SLC9A9: variants seen among roughly 807,000 people sequenced by gnomAD.
SLC9A9 encodes solute carrier family 9 member A9.
In SLC9A9, 62 loss-of-function variants were observed where a neutral mutation model predicts 77.8. That is an observed-to-expected ratio of 0.80 (90% CI 0.65 to 0.98). The LOEUF (loss-of-function observed/expected upper bound fraction) is 0.98. SLC9A9 is among the 50% of genes least tolerant of loss of function. The pLI, the probability that SLC9A9 is intolerant of heterozygous loss-of-function variation, is 0.00. For synonymous variants in SLC9A9, 320 were observed against 283.5 expected (o/e 1.13, Z -1.29); for missense variants, 775 against 774.9 (o/e 1.00, Z 0.00).
At chr3:143,747,841 A>G (rs1344959663) in intron 4 of SLC9A9, among the ~76,000 whole-genome samples, 2 of 152,216 alleles carry the variant, frequency 1.3e-5, no homozygotes, top group South Asian at 2.1e-4. Context: ...TAAGAAATGA[A>G]TACAATCATG....
intron 6 of SLC9A9, among the ~76,000 whole-genome samples, chr3:143,621,147 C>T (rs1576615732): frequency 6.6e-6 from 1 of 152,318 alleles, no homozygotes; most frequent in East Asian, 1.9e-4. Flanking sequence ...CCCACCACAG[C>T]TCAAGGATGC....
Position 143,518,294 on chromosome 3 carries a change from G to A in SLC9A9, c.1090-22846C>T, listed in dbSNP as rs778167598. On this transcript the variant is annotated intron_variant, in intron 9 of 15. Coordinates refer to ENST00000316549, the MANE Select transcript of SLC9A9 (RefSeq NM_173653.4). ...GGTTCCAGGCCCAGGCGCTGGCTCA[G>A]CGTGACCACGCAGAAAGGGCTGTTT... 597 of 1,069,172 alleles carry A rather than the reference G, an allele frequency of 5.6e-4. 1 individual carries two copies. Among genetic ancestry groups the A allele is most frequent in the Admixed American group, 8.6e-4 (47 of 54,968 alleles). 66.2% of individuals were successfully genotyped at this position (1,069,172 alleles called of 1,614,324 possible). A position where few individuals can be genotyped will look rare whatever the true frequency, so the allele number is the denominator to read the frequency against.
At chr3:143,489,536 G>A (rs2035705310) in intron 11 of SLC9A9, among the ~76,000 whole-genome samples, 1 of 151,510 alleles carries the variant, frequency 6.6e-6, no homozygotes, top group Non-Finnish European at 1.5e-5. Flanking sequence ...TAACTCAAAT[G>A]GATAAAAAAA....
At chr3:143,465,484 A>G (rs567900628) in intron 12 of SLC9A9, among the ~76,000 whole-genome samples, 3 of 152,242 alleles carry the variant, frequency 2.0e-5, no homozygotes, top group Non-Finnish European at 2.9e-5. Flanking sequence ...TTGGGGTAGA[A>G]AAAGAAATAG....
At chr3:143,441,598 A>T (rs1035695165) in intron 12 of SLC9A9, among the ~76,000 whole-genome samples, 19 of 148,614 alleles carry the variant, frequency 1.3e-4, no homozygotes, top group Non-Finnish European at 6.0e-5. Flanking sequence ...ATTTCACATC[A>T]GCCAGTATCT....
intron 9 of SLC9A9, among the ~76,000 whole-genome samples, chr3:143,499,862 T>C (rs1210096188): frequency 6.6e-6 from 1 of 152,052 alleles, no homozygotes; most frequent in Non-Finnish European, 1.5e-5. Context: ...ACTTTTAAAA[T>C]GTTGTTAATT....
chr3:143,316,117 G>T (rs921961795), intron 14 of SLC9A9, among the ~76,000 whole-genome samples: 55 of 152,334 alleles, frequency 3.6e-4, no homozygotes, highest in African/African-American at 1.2e-3. Context: ...AGGGCTTGGA[G>T]GTTAAGATGT....
intron 11 of SLC9A9, among the ~76,000 whole-genome samples, chr3:143,477,373 G>A (rs1475012574): frequency 9.0e-4 from 11 of 12,194 alleles, no homozygotes; most frequent in Middle Eastern, 0.071. Context: ...GCCCCCTCCC[G>A]CCACCCAGAT....
At chr3:143,753,281 A>G (rs188396761) in intron 4 of SLC9A9, among the ~76,000 whole-genome samples, 1 of 152,144 alleles carries the variant, frequency 6.6e-6, no homozygotes, top group Non-Finnish European at 1.5e-5. Flanking sequence ...AAAAGTGTCG[A>G]TGTATCACTT....
intron 12 of SLC9A9, among the ~76,000 whole-genome samples, chr3:143,426,430 T>C (rs756367215): frequency 5.3e-5 from 8 of 152,190 alleles, no homozygotes; most frequent in Non-Finnish European, 1.0e-4. Flanking sequence ...CTAAGAAACA[T>C]CTTGTGGAAA....
chr3:143,693,219 C>A lies in SLC9A9; in HGVS notation c.622G>T (p.Gly208Cys), dbSNP rs1242808400. ...DFHFTDCLFF[G>C]SLMSATDPVT... The stretch of plus-strand genomic sequence containing the variant: ...GGATCTGTAGCAGACATCAGTGAAC[C>A]AAAAAATAAACAGTCAGTGAAATGA... The change falls in exon 5 of 16, where the codon GGT becomes TGT. Residue 208 changes from glycine (G) to cysteine (C), a missense_variant. Coordinates refer to ENST00000316549, the MANE Select transcript of SLC9A9 (RefSeq NM_173653.4). The A allele has an allele frequency of 1.2e-6, 2 of 1,612,832 alleles. No individual in the cohort carries two copies. Among genetic ancestry groups the A allele is most frequent in the African/African-American group, 2.7e-5 (2 of 74,808 alleles).
At chr3:143,521,007 T>C (rs2036290377) in intron 9 of SLC9A9, among the ~76,000 whole-genome samples, 1 of 152,180 alleles carries the variant, frequency 6.6e-6, no homozygotes, top group Admixed American at 6.5e-5. Flanking sequence ...AAATGGCAAA[T>C]TTTTCTCCTG....
At chr3:143,353,954 T>C (rs2032526787) in intron 14 of SLC9A9, among the ~76,000 whole-genome samples, 1 of 152,160 alleles carries the variant, frequency 6.6e-6, no homozygotes, top group Non-Finnish European at 1.5e-5. Context: ...CCTTTAGCCA[T>C]CCAAGTAACC....
At chr3:143,666,453 C>T (rs905511214) in intron 5 of SLC9A9, among the ~76,000 whole-genome samples, 1 of 152,194 alleles carries the variant, frequency 6.6e-6, no homozygotes, top group African/African-American at 2.4e-5. Flanking sequence ...CTCACCACTC[C>T]TATTCAACAT....
intron 2 of SLC9A9, among the ~76,000 whole-genome samples, chr3:143,824,432 T>C (rs2009248821): frequency 1.3e-5 from 2 of 152,224 alleles, no homozygotes; most frequent in South Asian, 4.1e-4. Context: ...TCATTAGGAC[T>C]CAGCTCCGAT....
At chr3:143,552,065 G>C (rs2036897925) in intron 9 of SLC9A9, among the ~76,000 whole-genome samples, 1 of 152,094 alleles carries the variant, frequency 6.6e-6, no homozygotes, top group Non-Finnish European at 1.5e-5. Context: ...AATGCTTTTA[G>C]ATGTAAGTGA....
At chr3:143,508,549 C>T (rs2036066416) in intron 9 of SLC9A9, among the ~76,000 whole-genome samples, 1 of 152,154 alleles carries the variant, frequency 6.6e-6, no homozygotes, top group South Asian at 2.1e-4. Flanking sequence ...ATGTTATTCT[C>T]AATAAACATT....
At position 143,386,636 on chromosome 3, in the gene SLC9A9, G is replaced by A. The variant is rs549682632; in HGVS notation, c.1470-4522C>T. ...TTATTATTTTTCAGTACTTATCAGTGGGGCCAGAGCTCAGTTACTGATTAC... is the reference window on the plus strand; with the variant it reads ...TTATTATTTTTCAGTACTTATCAGTAGGGCCAGAGCTCAGTTACTGATTAC... On this transcript the variant is annotated intron_variant, in intron 12 of 15. Transcript: ENST00000316549. Among the ~76,000 whole-genome samples, 7 of 152,268 alleles carry A rather than the reference G, an allele frequency of 4.6e-5. No homozygotes were observed. In the East Asian group the frequency reaches 1.4e-3, roughly 29 times the overall value.
intron 4 of SLC9A9, among the ~76,000 whole-genome samples, chr3:143,737,223 AT>A (rs1333890630): frequency 6.6e-6 from 1 of 152,106 alleles, no homozygotes; most frequent in African/African-American, 2.4e-5. Flanking sequence ...TTTAACTGGA[AT>A]TTTCTCTTTT....
Sources: gnomAD v4.1 joint callset for allele counts (sites outside exome capture counted in the v4.1 genomes callset) on GRCh38, gnomAD v4.1.1 for gene constraint, MANE v1.5 for transcripts, NCBI Gene and HGNC (gene_info 2026-07-23, HGNC 2026-07-21) for gene names.